Variants in DOCK4 observed in about 807,000 individuals in gnomAD.
DOCK4 encodes the protein dedicator of cytokinesis protein 4.
Under a neutral mutation model 268.1 loss-of-function variants are expected in DOCK4, and 97 were observed. That is an observed-to-expected ratio of 0.36 (90% confidence interval 0.31 to 0.43). DOCK4 has a LOEUF of 0.43. DOCK4 is among the 20% of genes least tolerant of loss of function. The pLI, the probability that DOCK4 is intolerant of heterozygous loss-of-function variation, is 1.00. For synonymous variants in DOCK4, 954 were observed against 887.2 expected (o/e 1.08, Z -1.34); for missense variants, 2,145 against 2,455.7 (o/e 0.87, Z 2.67).
At chr7:112,011,051 G>A (rs1325492146) in intron 1 of DOCK4, among the ~76,000 whole-genome samples, 2 of 152,126 alleles carry the variant, frequency 1.3e-5, no homozygotes, top group East Asian at 3.9e-4. Context: ...CACCCTTCTG[G>A]GATGGCTTCA....
rs772476870 is a variant in DOCK4, at chr7:111,728,748, G to C, written c.5482-28C>G. The C allele has an allele frequency of 1.9e-5, 30 of 1,576,310 alleles. 1 individual carries two copies. In the East Asian group the frequency reaches 6.6e-4, roughly 35 times the overall value. On this transcript the variant is annotated intron_variant, in intron 52 of 52. Coordinates refer to ENST00000428084, the MANE Select transcript of DOCK4 (RefSeq NM_001363540.2). ...GCTCCGGGGAGAAGGAAACGAGAGG[G>C]AGACACAGCATTGAGTCGTGAACGC... is the stretch of plus-strand genomic sequence containing the variant.
chr7:111,938,164 A>C (rs1794891957), intron 11 of DOCK4, among the ~76,000 whole-genome samples: 1 of 152,228 alleles, frequency 6.6e-6, no homozygotes, highest in Non-Finnish European at 1.5e-5. Flanking sequence ...TAACATCAAC[A>C]TCACAGGTGT....
Position 112,206,262 on chromosome 7 carries a change from G to GGCGCTGGGCAGGATCT in DOCK4, c.-140_-125dup. The stretch of plus-strand genomic sequence containing the variant: ...GCCCAGCGGCTTCGCGCGGGCTGCG[G>GGCGCTGGGCAGGATCT]GCGCTGGGCAGGATCTGCGCTGGAG... On this transcript the variant is annotated 5_prime_UTR_variant, in exon 1 of 53. Transcript: ENST00000428084. The GGCGCTGGGCAGGATCT allele has an allele frequency of 8.9e-7, 1 of 1,128,074 alleles. No individual in the cohort carries two copies. The highest frequency in any genetic ancestry group is 1.4e-5 in the South Asian group (1 of 71,716). 69.9% of individuals were successfully genotyped at this position (1,128,074 alleles called of 1,614,324 possible). A position where few individuals can be genotyped will look rare whatever the true frequency, so the allele number is the denominator to read the frequency against.
At chr7:111,920,513 C>T (rs1459790913) in intron 12 of DOCK4, among the ~76,000 whole-genome samples, 3 of 152,130 alleles carry the variant, frequency 2.0e-5, no homozygotes, top group Non-Finnish European at 2.9e-5. Flanking sequence ...TGACACAGGG[C>T]ATGTTTGGAG....
At chr7:111,984,645 T>C (rs1475510508) in intron 6 of DOCK4, among the ~76,000 whole-genome samples, 1 of 152,190 alleles carries the variant, frequency 6.6e-6, no homozygotes, top group Non-Finnish European at 1.5e-5. Context: ...GGAGTGCTCC[T>C]GCCACTGGGG....
intron 1 of DOCK4, among the ~76,000 whole-genome samples, chr7:112,135,819 A>AT (rs1055391722): frequency 1.3e-5 from 2 of 152,158 alleles, no homozygotes; most frequent in Non-Finnish European, 1.5e-5. Context: ...AAGTTTAATG[A>AT]TAAAAAATTG....
In DOCK4 at chr7:111,737,053, AT is replaced by A. The variant is rs1795550091; in HGVS notation, c.5233-65del. On this transcript the variant is annotated intron_variant, in intron 49 of 52. Coordinates refer to ENST00000428084, the MANE Select transcript of DOCK4 (RefSeq NM_001363540.2). ...ACGGGCATGTGAAACCTTTCAGAAAATGAGACGATTATCTCCTCAGTAAAAC... is the reference window on the plus strand; with the variant it reads ...ACGGGCATGTGAAACCTTTCAGAAAAGAGACGATTATCTCCTCAGTAAAAC... 35 of 1,421,286 alleles carry A rather than the reference AT, an allele frequency of 2.5e-5. 1 individual carries two copies. The South Asian group carries it at 4.3e-4, about 18-fold the overall frequency. The allele number at this position is 1,421,286 out of a possible 1,614,324, so 88.0% of individuals were successfully genotyped here. A position where few individuals can be genotyped will look rare whatever the true frequency, so the allele number is the denominator to read the frequency against.
intron 26 of DOCK4, among the ~76,000 whole-genome samples, chr7:111,824,504 C>T (rs1442633101): frequency 7.2e-5 from 11 of 152,046 alleles, no homozygotes; most frequent in African/African-American, 4.8e-5. Flanking sequence ...TTTATCTTCT[C>T]GCCTCAAAAG....
intron 16 of DOCK4, among the ~76,000 whole-genome samples, chr7:111,883,189 T>A (rs574692924): frequency 6.6e-6 from 1 of 152,220 alleles, no homozygotes; most frequent in Admixed American, 6.5e-5. Flanking sequence ...TCAGGAAAAG[T>A]GTTTAGGCAA....
intron 42 of DOCK4, among the ~76,000 whole-genome samples, chr7:111,752,394 T>A (rs560292821): frequency 4.3e-4 from 65 of 152,092 alleles, no homozygotes; most frequent in African/African-American, 1.5e-3. Flanking sequence ...GCGCTATCGG[T>A]GGGGGCGCTG....
intron 1 of DOCK4, among the ~76,000 whole-genome samples, chr7:112,175,300 A>G (rs1410748823): frequency 1.3e-5 from 2 of 152,204 alleles, no homozygotes; most frequent in Non-Finnish European, 2.9e-5. Context: ...AAATGTATCC[A>G]CTGAATCAAA....
intron 1 of DOCK4, among the ~76,000 whole-genome samples, chr7:112,165,535 T>TAC (rs780863202): frequency 2.1e-3 from 151 of 70,458 alleles, no homozygotes; most frequent in African/African-American, 8.3e-3. Context: ...TGTGTGTGTG[T>TAC]GTGTGTGTGT....
intron 1 of DOCK4, among the ~76,000 whole-genome samples, chr7:112,126,589 A>G (rs558834557): frequency 2.0e-5 from 3 of 152,362 alleles, no homozygotes; most frequent in Admixed American, 2.0e-4. Flanking sequence ...GCTTCTGCAC[A>G]GCAAAAGAAA....
rs1279902146 is a variant in DOCK4 at position 111,872,029 on chromosome 7, G to C, written c.1988C>G (p.Thr663Ser). ...CCCAGCAAAATGACTCTCAATGTAA[G>C]TGTCCATTACAGGTTTAAAATGATG... is the stretch of plus-strand genomic sequence containing the variant. ...KFHHFKPVMD[T>S]YIESHFAGAL... Residue 663 changes from threonine (T) to serine (S), a missense_variant, in exon 20 of 53, where the codon ACT (threonine) becomes AGT (serine). Around this residue, in one of 2 missense-constraint regions of DOCK4, gnomAD observed 1,598 missense variants for 1,986.7 expected, o/e 0.80. Coordinates refer to ENST00000428084, the MANE Select transcript of DOCK4 (RefSeq NM_001363540.2). 1.3e-6 allele frequency: 2 copies of C among 1,559,268 alleles called. No homozygotes were observed. The highest frequency in any genetic ancestry group is 2.7e-5 in the African/African-American group (2 of 73,580).
At position 111,936,798 on chromosome 7, in the gene DOCK4, T is replaced by A. The variant is rs117616035; in HGVS notation, c.978-1170A>T. 3.4e-3 allele frequency among the ~76,000 whole-genome samples: 517 copies of A among 152,340 alleles called. 1 individual carries two copies. Among genetic ancestry groups the A allele is most frequent in the Non-Finnish European group, 6.1e-3 (414 of 68,036 alleles). ...CAAGTCTGAGGCAGATAATTCATAA[T>A]TGTTTGCTCACATTTTTATTTATTT... On this transcript the variant is annotated intron_variant, in intron 11 of 52. Coordinates refer to ENST00000428084, the MANE Select transcript of DOCK4 (RefSeq NM_001363540.2).
At chr7:111,782,156 C>T (rs1199906934) in intron 35 of DOCK4, among the ~76,000 whole-genome samples, 1 of 152,126 alleles carries the variant, frequency 6.6e-6, no homozygotes, top group African/African-American at 2.4e-5. Flanking sequence ...AAATGTAGGG[C>T]CACTCCTTTG....
intron 1 of DOCK4, among the ~76,000 whole-genome samples, chr7:112,133,227 T>G (rs1813972799): frequency 6.6e-6 from 1 of 152,086 alleles, no homozygotes; most frequent in Non-Finnish European, 1.5e-5. Context: ...GACCTTCAAA[T>G]GCAGAAACAT....
chr7:111,917,711 A>T (rs1181202513), intron 12 of DOCK4, among the ~76,000 whole-genome samples: 4 of 152,140 alleles, frequency 2.6e-5, no homozygotes, highest in African/African-American at 9.7e-5. Flanking sequence ...ATAATAAAAA[A>T]AAAAAAAAAG....
At position 112,206,062 on chromosome 7, in the gene DOCK4, G is replaced by A. The variant is rs1386964311; in HGVS notation, c.37+40C>T. 3 of 1,558,438 alleles carry A rather than the reference G, an allele frequency of 1.9e-6. No homozygotes were observed. The South Asian group carries it at 3.5e-5, about 18-fold the overall frequency. ...AAGGACGAGAAATGCGCACTCGCTCGGGCCAGAGCAGAATAAAAGTTCGCC... is the reference window on the plus strand; with the variant it reads ...AAGGACGAGAAATGCGCACTCGCTCAGGCCAGAGCAGAATAAAAGTTCGCC... On this transcript the variant is annotated intron_variant, in intron 1 of 52. Coordinates refer to ENST00000428084, the MANE Select transcript of DOCK4 (RefSeq NM_001363540.2).
Sources: gnomAD v4.1 joint callset for allele counts (sites outside exome capture counted in the v4.1 genomes callset) on GRCh38, gnomAD v4.1.1 for gene constraint, gnomAD v4.1.1 regional missense constraint, MANE v1.5 for transcripts, NCBI Gene and HGNC (gene_info 2026-07-23, HGNC 2026-07-21) for gene names.